Variants in NECTIN2 observed in about 807,000 individuals in gnomAD.
NECTIN2 encodes nectin-2.
A neutral mutation model predicts 56.9 loss-of-function variants in NECTIN2; 23 were observed. The ratio of observed to expected loss-of-function variants is 0.40; its 90% confidence interval spans 0.29 to 0.57. NECTIN2 has a LOEUF of 0.57. NECTIN2 is among the 20% of genes least tolerant of loss of function. The pLI is 0.38. For missense variants in NECTIN2, 587 were observed against 718.3 expected, an observed-to-expected ratio of 0.82 and a Z score of 2.09; for synonymous variants, 302 against 313.8, an observed-to-expected ratio of 0.96 and a Z score of 0.40.
At chr19:44,848,205 G>A (rs1201765640) in intron 1 of NECTIN2, among the ~76,000 whole-genome samples, 1 of 152,282 alleles carries the variant, frequency 6.6e-6, no homozygotes, top group South Asian at 2.1e-4. Flanking sequence ...ATAGGCAGAT[G>A]AGATCAGAAC....
intron 1 of NECTIN2, among the ~76,000 whole-genome samples, chr19:44,847,495 C>A (rs1012212091): frequency 1.3e-5 from 2 of 152,120 alleles, no homozygotes; most frequent in East Asian, 1.9e-4. Flanking sequence ...CTTCTGAGAT[C>A]CAAACAGAAG....
In NECTIN2 at chr19:44,878,696, A is replaced by G; in HGVS notation, c.1043-3515A>G. 3 of 1,514,824 alleles carry G rather than the reference A, an allele frequency of 2.0e-6. No homozygotes were observed. The South Asian group carries it at 4.0e-5, about 20-fold the overall frequency. 93.8% of individuals were successfully genotyped at this position (1,514,824 alleles called of 1,614,324 possible). A position where few individuals can be genotyped will look rare whatever the true frequency, so the allele number is the denominator to read the frequency against. On this transcript the variant is annotated intron_variant, in intron 5 of 8. Coordinates refer to ENST00000252483, the MANE Select transcript of NECTIN2 (RefSeq NM_001042724.2). ...TGACCACGCCGGCCTAGGGTTCCAG[A>G]CTGGTTGGACTTGTTCGTCTGGACG...
chr19:44,871,952 G>T lies in NECTIN2; in HGVS notation c.578G>T (p.Arg193Leu), dbSNP rs368183799. The change falls in exon 3 of 9, where the codon CGG (arginine) becomes CTG (leucine). Residue 193 changes from arginine (R) to leucine (L), a missense_variant. Coordinates refer to ENST00000252483, the MANE Select transcript of NECTIN2 (RefSeq NM_001042724.2). Reference protein sequence around the residue: ...CISKEGRPPARISWLSSLDWE... With the variant: ...CISKEGRPPALISWLSSLDWE... ...TCCAAAGAGGGCCGCCCACCTGCCC[G>T]GATCTCCTGGCTCTCATCCCTGGAC... is the stretch of plus-strand genomic sequence containing the variant. 3.1e-6 allele frequency: 5 copies of T among 1,614,114 alleles called. No homozygotes were observed. The highest frequency in any genetic ancestry group is 4.2e-6 in the Non-Finnish European group (5 of 1,180,018).
At chr19:44,872,223 G>A in intron 3 of NECTIN2, 74 bp downstream of exon 3, 1 of 1,510,196 alleles carries the variant, frequency 6.6e-7, no homozygotes, top group Non-Finnish European at 9.0e-7. Flanking sequence ...TGTCTACATT[G>A]TCTCTGAATG....
At chr19:44,886,447 A>C (rs1969362339) in intron 8 of NECTIN2, among the ~76,000 whole-genome samples, 1 of 152,194 alleles carries the variant, frequency 6.6e-6, no homozygotes, top group Non-Finnish European at 1.5e-5. Flanking sequence ...GGGGCTGGGC[A>C]CGGTGGCTCA....
chr19:44,868,517 G>C (rs754422211), intron 2 of NECTIN2, among the ~76,000 whole-genome samples: 16 of 147,398 alleles, frequency 1.1e-4, no homozygotes, highest in Non-Finnish European at 2.1e-4. Context: ...CATTGTCCAG[G>C]CTAGACTCGA....
chr19:44,887,735 C>T (rs1969376835), intron 8 of NECTIN2, among the ~76,000 whole-genome samples: 1 of 152,180 alleles, frequency 6.6e-6, no homozygotes, highest in East Asian at 1.9e-4. Flanking sequence ...AATCAAGTCA[C>T]TCCCCTCAGT....
chr19:44,878,892 C>T (rs1969276424), intron 5 of NECTIN2: 1 of 1,281,882 alleles, frequency 7.8e-7, no homozygotes. Context: ...CAGCCTTCCC[C>T]TGGCCCCGTG....
Position 44,874,261 on chromosome 19 carries a change from T to C in NECTIN2, c.894-69T>C. The C allele has an allele frequency of 6.4e-7, 1 of 1,554,210 alleles. No individual in the cohort carries two copies. Among genetic ancestry groups the C allele is most frequent in the Non-Finnish European group, 8.9e-7 (1 of 1,128,222 alleles). ...GAGCTTGGCTCCTGGTGGGTGTATC[T>C]TTAGGGATGAGGCCTGTGCTCCCCT... On this transcript the variant is annotated intron_variant, in intron 4 of 8. Coordinates refer to ENST00000252483, the MANE Select transcript of NECTIN2 (RefSeq NM_001042724.2). This position sits in a 1 kb window ranked among gnomAD's most constrained non-coding sequence, Gnocchi z 6.3.
At chr19:44,871,230 C>T (rs961630565) in intron 2 of NECTIN2, among the ~76,000 whole-genome samples, 8 of 152,062 alleles carry the variant, frequency 5.3e-5, no homozygotes, top group African/African-American at 2.4e-5. Context: ...TCTGGCAGGG[C>T]GAAGAGACAG....
intron 6 of NECTIN2, among the ~76,000 whole-genome samples, chr19:44,882,780 T>C (rs1255321688): frequency 1.2e-5 from 1 of 80,510 alleles, no homozygotes; most frequent in African/African-American, 5.4e-5. Flanking sequence ...AGGATCCTAC[T>C]ACATTTTTTT....
intron 1 of NECTIN2, among the ~76,000 whole-genome samples, chr19:44,850,904 A>G (rs1489540593): frequency 1.3e-5 from 2 of 152,136 alleles, no homozygotes; most frequent in Non-Finnish European, 2.9e-5. Flanking sequence ...GTGCCTTGCC[A>G]TGGGAGGCTG....
At chr19:44,869,592 C>CAAAAAAAAAA (rs774822564) in intron 2 of NECTIN2, among the ~76,000 whole-genome samples, 16 of 53,726 alleles carry the variant, frequency 3.0e-4, no homozygotes, top group East Asian at 7.2e-4. Context: ...GACTCCATCT[C>CAAAAAAAAAA]AAAAAAAAAA....
chr19:44,878,265 G>C (rs1400877509), intron 5 of NECTIN2: 3 of 1,008,908 alleles, frequency 3.0e-6, no homozygotes, highest in Non-Finnish European at 4.5e-6. Flanking sequence ...CCGCTGGTGT[G>C]GGGGGCCGTG....
rs1177017816 is a variant in NECTIN2, at chr19:44,888,356, A to G, written c.1594A>G (p.Met532Val). 1.9e-6 allele frequency: 3 copies of G among 1,613,060 alleles called. No individual in the cohort carries two copies. The highest frequency in any genetic ancestry group is 3.3e-5 in the Admixed American group (2 of 59,960). The change falls in exon 9 of 9, where the codon ATG becomes GTG. Residue 532 changes from methionine (M) to valine (V), a missense_variant. Transcript: ENST00000252483. ...TTCCTACCAGGGCAAAGGCTTTGTCATGTCCCGGGCCATGTATGTGTGAGC... is the reference window on the plus strand; with the variant it reads ...TTCCTACCAGGGCAAAGGCTTTGTCGTGTCCCGGGCCATGTATGTGTGAGC... ...SDSYQGKGFV[M>V]SRAMYV
Position 44,888,204 on chromosome 19 carries a change from C to T in NECTIN2, c.1442C>T (p.Pro481Leu), listed in dbSNP as rs769341513. 1 of 1,614,174 alleles carries T rather than the reference C, an allele frequency of 6.2e-7. No homozygotes were observed. The highest frequency in any genetic ancestry group is 8.5e-7 in the Non-Finnish European group (1 of 1,180,032). ...AGCCTGGGGTCCCCCATCCCGGTGC[C>T]TCCAGGGCCACCTGCTGTGGAAGAC... ...ATSLGSPIPV[P>L]PGPPAVEDVS... Residue 481 changes from proline (P) to leucine (L), a missense_variant, in exon 9 of 9, where the codon CCT (proline) becomes CTT (leucine). Transcript: ENST00000252483.
In NECTIN2 at chr19:44,874,122, C is replaced by T. The variant is rs1969209267; in HGVS notation, c.893+89C>T. The T allele has an allele frequency of 2.5e-6, 3 of 1,217,890 alleles. No individual in the cohort carries two copies. The highest frequency in any genetic ancestry group is 2.3e-6 in the Non-Finnish European group (2 of 863,966). 75.4% of individuals were successfully genotyped at this position (1,217,890 alleles called of 1,614,324 possible). ...GATCTAAGGGAGGAGGGGCTGGGGG[C>T]CTGGACTCCTGGATCTGAGGGAGGA... On this transcript the variant is annotated intron_variant, in intron 4 of 8. Coordinates refer to ENST00000252483, the MANE Select transcript of NECTIN2 (RefSeq NM_001042724.2). This position sits in a 1 kb window ranked among gnomAD's most constrained non-coding sequence, Gnocchi z 6.3.
intron 6 of NECTIN2, among the ~76,000 whole-genome samples, chr19:44,883,701 C>G (rs1969331893): frequency 6.6e-6 from 1 of 152,154 alleles, no homozygotes; most frequent in South Asian, 2.1e-4. Context: ...GTGGTGCACA[C>G]CTGTGGTCCA....
chr19:44,881,720 G>A (rs1359555586), intron 5 of NECTIN2, among the ~76,000 whole-genome samples: 1 of 152,046 alleles, frequency 6.6e-6, no homozygotes, highest in Non-Finnish European at 1.5e-5. Flanking sequence ...CCTCCTGCAG[G>A]GCCGCTGGCT....
Sources: allele counts gnomAD v4.1 joint callset (sites outside exome capture counted in the v4.1 genomes callset), GRCh38; gene constraint gnomAD v4.1.1; non-coding constraint Gnocchi (gnomAD v3.1); transcripts MANE v1.5; gene names NCBI Gene and HGNC (gene_info 2026-07-23, HGNC 2026-07-21).